The following ATP10B variants were observed in gnomAD, a reference collection of about 807,000 sequenced individuals.
ATP10B encodes the protein ATPase phospholipid transporting 10B (putative).
ATP10B carries 122 observed loss-of-function variants against 141.2 expected under a neutral mutation model. The ratio of observed to expected loss-of-function variants is 0.86; its 90% CI spans 0.75 to 1.00. The LOEUF (loss-of-function observed/expected upper bound fraction) is 1.00. ATP10B is among the 50% of genes least tolerant of loss of function. The probability of loss-of-function intolerance (pLI) is 0.00; values close to 1 mark genes in which losing one functional copy is unlikely to be tolerated. For synonymous variants in ATP10B, 685 were observed against 692.0 expected, an observed-to-expected ratio of 0.99 and a Z score of 0.16; for missense variants, 1,876 against 1,825.3, an observed-to-expected ratio of 1.03 and a Z score of -0.51.
intron 1 of ATP10B, among the ~76,000 whole-genome samples, chr5:160,831,633 G>A (rs754030688): frequency 5.9e-5 from 9 of 151,990 alleles, no homozygotes; most frequent in Non-Finnish European, 1.2e-4. Flanking sequence ...ATTCTAACAA[G>A]CATGAATCTA....
chr5:160,617,690 T>C (rs1008284785), intron 16 of ATP10B, among the ~76,000 whole-genome samples, 174 bp downstream of exon 16: 3 of 152,246 alleles, frequency 2.0e-5, no homozygotes, highest in Admixed American at 6.5e-5. Context: ...TCTTCAGATT[T>C]TGGCTTCCAC....
chr5:160,744,236 G>A (rs899038110), intron 2 of ATP10B, among the ~76,000 whole-genome samples: 1 of 152,172 alleles, frequency 6.6e-6, no homozygotes, highest in African/African-American at 2.4e-5. Flanking sequence ...CTCAGAAGGT[G>A]CTGGAAACAC....
At chr5:160,566,079 A>G (rs1019096004) in intron 25 of ATP10B, among the ~76,000 whole-genome samples, 179 bp from the exon 26 acceptor site, 2 of 152,188 alleles carry the variant, frequency 1.3e-5, no homozygotes, top group Non-Finnish European at 2.9e-5. Context: ...AATAACAACA[A>G]AACATAACAG....
rs1771094348 is a variant in ATP10B, at chr5:160,785,711, A to G, written c.-483T>C. The G allele has an allele frequency of 7.8e-7, 1 of 1,281,558 alleles. No homozygotes were observed. The highest frequency in any genetic ancestry group is 1.0e-6 in the Non-Finnish European group (1 of 985,220). The allele number at this position is 1,281,558 out of a possible 1,614,324, so 79.4% of individuals were successfully genotyped here. On this transcript the variant is annotated 5_prime_UTR_variant, in exon 2 of 26. Coordinates refer to ENST00000327245, the MANE Select transcript of ATP10B (RefSeq NM_025153.3). Reference sequence around the variant, plus strand: ...GAGTTCATTATCTCCACTGAGTGAGATGAATAATAGGAAAAACTACTTACT... The same window carrying G: ...GAGTTCATTATCTCCACTGAGTGAGGTGAATAATAGGAAAAACTACTTACT...
intron 1 of ATP10B, among the ~76,000 whole-genome samples, chr5:160,831,989 A>G (rs1472072470): frequency 6.6e-6 from 1 of 152,140 alleles, no homozygotes; most frequent in African/African-American, 2.4e-5. Flanking sequence ...CTTTTATAGA[A>G]CAATAATGGG....
chr5:160,695,367 G>A (rs951071831), intron 3 of ATP10B, among the ~76,000 whole-genome samples: 4 of 152,148 alleles, frequency 2.6e-5, no homozygotes, highest in African/African-American at 4.8e-5. Context: ...GAGAGAGGGT[G>A]CAGTGAGCAC....
chr5:160,825,002 T>C (rs1004637529), intron 1 of ATP10B, among the ~76,000 whole-genome samples: 13 of 152,180 alleles, frequency 8.5e-5, no homozygotes, highest in Non-Finnish European at 1.8e-4. Context: ...ACTAGCTTTA[T>C]GCTTTGCATT....
intron 2 of ATP10B, among the ~76,000 whole-genome samples, chr5:160,745,869 C>A (rs1767776647): frequency 6.6e-6 from 1 of 152,220 alleles, no homozygotes; most frequent in South Asian, 2.1e-4. Flanking sequence ...GCCCAATTTG[C>A]ACATGGACTT....
chr5:160,902,604 C>G, the ATP10B span, among the ~76,000 whole-genome samples: 1 of 152,110 alleles, frequency 6.6e-6, no homozygotes, highest in Non-Finnish European at 1.5e-5. Context: ...GAGCTCATGA[C>G]AGAGGAAAAA....
chr5:160,672,717 T>G (rs1357214593), intron 6 of ATP10B, among the ~76,000 whole-genome samples: 2 of 152,216 alleles, frequency 1.3e-5, no homozygotes, highest in African/African-American at 2.4e-5. Context: ...CATGTTCTTG[T>G]TTCTGTTTCT....
chr5:160,577,166 T>A (rs1581139882), intron 24 of ATP10B, among the ~76,000 whole-genome samples: 1 of 152,174 alleles, frequency 6.6e-6, no homozygotes, highest in East Asian at 1.9e-4. Flanking sequence ...AGAAATATCA[T>A]CTTTTATAGC....
chr5:160,589,015 T>A (rs972332306), intron 24 of ATP10B, among the ~76,000 whole-genome samples: 5 of 152,122 alleles, frequency 3.3e-5, no homozygotes, highest in Non-Finnish European at 7.4e-5. Context: ...GAACTGTTTT[T>A]GTTTTTTGTT....
Position 160,598,393 on chromosome 5 carries a change from G to C in ATP10B, c.3564+377C>G, listed in dbSNP as rs28545695. ...CACACTCTGGGGACTGTTGTGGGGT[G>C]GGGGGAGCAGGGAGGGATAGCATTA... On this transcript the variant is annotated intron_variant, in intron 22 of 25. Transcript: ENST00000327245. Among the ~76,000 whole-genome samples the C allele has an allele frequency of 1.4e-3, 216 of 151,934 alleles. 2 individuals carry two copies. Among genetic ancestry groups the C allele is most frequent in the Non-Finnish European group, 8.8e-5 (6 of 67,968 alleles).
intron 2 of ATP10B, among the ~76,000 whole-genome samples, chr5:160,765,022 GAA>G (rs1472938605): frequency 2.0e-5 from 3 of 152,114 alleles, no homozygotes; most frequent in Non-Finnish European, 2.9e-5. Flanking sequence ...CCAAGGAGGT[GAA>G]AGATTTCTAC....
chr5:160,849,221 G>A (rs1753641736), intron 1 of ATP10B, among the ~76,000 whole-genome samples: 1 of 152,118 alleles, frequency 6.6e-6, no homozygotes, highest in East Asian at 1.9e-4. Context: ...GAGGGATCTG[G>A]AATTTTTAAT....
chr5:160,570,179 T>C (rs1005239734), intron 24 of ATP10B, among the ~76,000 whole-genome samples: 17 of 152,166 alleles, frequency 1.1e-4, no homozygotes, highest in Admixed American at 1.1e-3. Flanking sequence ...TTTATTTTTA[T>C]TTAATTTTAA....
chr5:160,659,681 G>A (rs1425241223), intron 7 of ATP10B, among the ~76,000 whole-genome samples: 1 of 151,894 alleles, frequency 6.6e-6, no homozygotes, highest in African/African-American at 2.4e-5. Context: ...ATCACCACAA[G>A]GAGGCCAGAA....
intron 1 of ATP10B, among the ~76,000 whole-genome samples, chr5:160,804,935 AT>A (rs1412152549): frequency 6.6e-6 from 1 of 152,226 alleles, no homozygotes; most frequent in Admixed American, 6.5e-5. Flanking sequence ...TGCTGTCAGT[AT>A]TGCAGAATTA....
chr5:160,698,142 G>C (rs938036183), intron 3 of ATP10B, among the ~76,000 whole-genome samples: 2 of 151,872 alleles, frequency 1.3e-5, no homozygotes, highest in Non-Finnish European at 2.9e-5. Context: ...TGTTTTCTAG[G>C]TATTTCAACT....
Sources: allele counts gnomAD v4.1 joint callset (sites outside exome capture counted in the v4.1 genomes callset), GRCh38; gene constraint gnomAD v4.1.1; transcripts MANE v1.5; gene names NCBI Gene and HGNC (gene_info 2026-07-23, HGNC 2026-07-21).